Variants in RAD51B observed in about 807,000 individuals in gnomAD.
The protein encoded by RAD51B is DNA repair protein RAD51 homolog 2.
A neutral mutation model predicts 42.2 loss-of-function variants in RAD51B; 38 were observed. The ratio of observed to expected loss-of-function variants is 0.90; its 90% CI spans 0.70 to 1.18. The LOEUF is 1.18. Among genes scored for constraint, RAD51B ranks in the 50% most tolerant of loss-of-function variants. The pLI is 0.00. For synonymous variants in RAD51B, 154 were observed against 145.2 expected, an observed-to-expected ratio of 1.06 and a Z score of -0.43; for missense variants, 373 against 400.7, an observed-to-expected ratio of 0.93 and a Z score of 0.59.
chr14:68,656,924 GTA>G (rs1892828181), intron 11 of RAD51B, among the ~76,000 whole-genome samples: 1 of 152,246 alleles, frequency 6.6e-6, no homozygotes, highest in African/African-American at 2.4e-5. Context: ...AGGACAGGGT[GTA>G]TGTCAGAGAC....
At chr14:68,602,546 A>ATAGG (rs574497227) in intron 10 of RAD51B, among the ~76,000 whole-genome samples, 7 of 151,990 alleles carry the variant, frequency 4.6e-5, no homozygotes, top group African/African-American at 1.7e-4. Flanking sequence ...AGATAGATAG[A>ATAGG]TAATACATGA....
intron 10 of RAD51B, among the ~76,000 whole-genome samples, chr14:68,559,892 C>T (rs532226118): frequency 9.2e-5 from 14 of 152,284 alleles, no homozygotes; most frequent in Admixed American, 5.2e-4. Flanking sequence ...CCCTGGGGTC[C>T]CCAGTGCTGA....
At chr14:68,329,918 T>C (rs1455242734) in intron 8 of RAD51B, among the ~76,000 whole-genome samples, 3 of 143,956 alleles carry the variant, frequency 2.1e-5, no homozygotes, top group East Asian at 4.1e-4. Context: ...GGAGGTGGAG[T>C]GTGCAGTGAG....
intron 7 of RAD51B, among the ~76,000 whole-genome samples, chr14:68,006,549 A>T (rs1248911446): frequency 6.6e-6 from 1 of 152,092 alleles, no homozygotes; most frequent in Non-Finnish European, 1.5e-5. Flanking sequence ...TTTTAATATA[A>T]CTGGTAGCAT....
At chr14:68,575,400 C>G (rs367737286) in intron 10 of RAD51B, among the ~76,000 whole-genome samples, 18 of 152,296 alleles carry the variant, frequency 1.2e-4, no homozygotes, top group African/African-American at 4.3e-4. Context: ...ATTTCTCTGG[C>G]AGTCACCAGA....
chr14:68,476,447 TGA>T, intron 10 of RAD51B, among the ~76,000 whole-genome samples: 1 of 152,332 alleles, frequency 6.6e-6, no homozygotes, highest in South Asian at 2.1e-4. Context: ...AAGGCAACGT[TGA>T]GAGTCAAGAG....
rs936453638 is a variant in RAD51B at position 68,363,541 on chromosome 14, T to C, written c.854-47883T>C. 2.0e-5 allele frequency among the ~76,000 whole-genome samples: 3 copies of C among 152,024 alleles called. No homozygotes were observed. The South Asian group carries it at 6.2e-4, about 32-fold the overall frequency. ...TGAAGGGGGCCTCCTCATTGGAGTGTGCAGGGGCCTCCTCATTGGAGTGTG... is the reference window on the plus strand; with the variant it reads ...TGAAGGGGGCCTCCTCATTGGAGTGCGCAGGGGCCTCCTCATTGGAGTGTG... On this transcript the variant is annotated intron_variant, in intron 8 of 10. Coordinates refer to ENST00000471583, the MANE Select transcript of RAD51B (RefSeq NM_133510.4).
rs534758173 is a variant in RAD51B, at chr14:68,582,704, G to A, written c.1037-11781G>A. Among the ~76,000 whole-genome samples, 9 of 152,248 alleles carry A rather than the reference G, an allele frequency of 5.9e-5. No homozygotes were observed. The East Asian group carries it at 9.6e-4, about 16-fold the overall frequency. On this transcript the variant is annotated intron_variant, in intron 10 of 10. Coordinates refer to the RAD51B transcript ENST00000487270. ...TTCTGCTATAAAGACACATGCACAC[G>A]TATGTTTATTGTGGCACTGTTCACA...
rs778880997 is a variant in RAD51B at position 68,039,057 on chromosome 14, CAG to C, written c.756+151854_756+151855del. On this transcript the variant is annotated intron_variant, in intron 7 of 10. Coordinates refer to ENST00000471583, the MANE Select transcript of RAD51B (RefSeq NM_133510.4). ...ATGAAAATCAGCAAACACAACCAAT[CAG>C]GGGCTGATTTATTGTTTTGCTGATT... Among the ~76,000 whole-genome samples, 3 of 152,150 alleles carry C rather than the reference CAG, an allele frequency of 2.0e-5. No homozygotes were observed. The East Asian group carries it at 5.8e-4, about 29-fold the overall frequency.
At chr14:68,593,286 G>T (rs965362093) in intron 10 of RAD51B, among the ~76,000 whole-genome samples, 10 of 152,234 alleles carry the variant, frequency 6.6e-5, no homozygotes, top group Admixed American at 5.2e-4. Flanking sequence ...CCCACCTCAT[G>T]GAATTGTTCT....
chr14:68,087,354 T>G (rs187602299), intron 7 of RAD51B, among the ~76,000 whole-genome samples: 1 of 152,260 alleles, frequency 6.6e-6, no homozygotes, highest in East Asian at 1.9e-4. Flanking sequence ...TCTGAGACCC[T>G]CTGGAGACTT....
At chr14:67,930,343 T>TG (rs1566964188) in intron 7 of RAD51B, among the ~76,000 whole-genome samples, 50 of 151,532 alleles carry the variant, frequency 3.3e-4, no homozygotes, top group East Asian at 1.9e-3. Context: ...GTGTGTGTGT[T>TG]TTTTTTTTCC....
intron 7 of RAD51B, among the ~76,000 whole-genome samples, chr14:68,224,542 T>C (rs1421168524): frequency 6.6e-6 from 1 of 152,220 alleles, no homozygotes; most frequent in Non-Finnish European, 1.5e-5. Context: ...GATCTATTCA[T>C]ATTTATTCAG....
chr14:67,957,463 A>G (rs2074574519), intron 7 of RAD51B, among the ~76,000 whole-genome samples: 2 of 152,168 alleles, frequency 1.3e-5, no homozygotes, highest in Admixed American at 1.3e-4. Flanking sequence ...GGAGCTTCTT[A>G]TTTTTATATC....
chr14:68,235,690 C>A (rs1448651673), intron 7 of RAD51B, among the ~76,000 whole-genome samples: 1 of 109,180 alleles, frequency 9.2e-6, no homozygotes, highest in Non-Finnish European at 1.7e-5. Flanking sequence ...GGCGACAGAG[C>A]GAGACTCCGT....
intron 10 of RAD51B, chr14:68,545,703 A>G (rs570753636): frequency 8.9e-6 from 4 of 449,662 alleles, no homozygotes; most frequent in Non-Finnish European, 1.8e-5. Context: ...CTAAATATTT[A>G]TTATCTGCTT....
chr14:68,552,965 G>A (rs1439155419), intron 10 of RAD51B, among the ~76,000 whole-genome samples: 7 of 152,194 alleles, frequency 4.6e-5, no homozygotes, highest in Non-Finnish European at 7.3e-5. Context: ...GCTTATAGTA[G>A]AAATTTCAGA....
intron 10 of RAD51B, chr14:68,541,457 G>T: frequency 3.0e-6 from 3 of 985,442 alleles, no homozygotes; most frequent in Non-Finnish European, 3.6e-6. Flanking sequence ...CTGTCAGGAG[G>T]GGGAATGGCC....
intron 7 of RAD51B, among the ~76,000 whole-genome samples, chr14:67,993,262 G>A (rs1303556707): frequency 6.6e-6 from 1 of 151,892 alleles, no homozygotes; most frequent in Admixed American, 6.6e-5. Flanking sequence ...TCACCCTGTT[G>A]TGCTATTTAG....
Sources: allele counts gnomAD v4.1 joint callset (sites outside exome capture counted in the v4.1 genomes callset), GRCh38; gene constraint gnomAD v4.1.1; transcripts MANE v1.5; gene names NCBI Gene and HGNC (gene_info 2026-07-23, HGNC 2026-07-21).